Variants in ROBO2 observed in about 807,000 individuals in gnomAD.
ROBO2 encodes roundabout homolog 2.
ROBO2 carries 53 observed loss-of-function variants against 160.8 expected under a neutral mutation model. The ratio of observed to expected loss-of-function variants is 0.33; its 90% CI spans 0.26 to 0.41. ROBO2 has a LOEUF of 0.41. ROBO2 is among the 10% of genes least tolerant of loss of function. The probability of loss-of-function intolerance (pLI) is 1.00; values close to 1 mark genes in which losing one functional copy is unlikely to be tolerated. For missense variants in ROBO2, 1,577 were observed against 1,722.4 expected, an observed-to-expected ratio of 0.92 and a Z score of 1.49; for synonymous variants, 664 against 611.7, an observed-to-expected ratio of 1.09 and a Z score of -1.26.
chr3:77,503,137 A>T (rs1413389333), intron 5 of ROBO2, among the ~76,000 whole-genome samples: 1 of 152,066 alleles, frequency 6.6e-6, no homozygotes, highest in Non-Finnish European at 1.5e-5. Context: ...ATTCTCTACG[A>T]TGTGCTTATT....
intron 2 of ROBO2, among the ~76,000 whole-genome samples, chr3:76,821,523 T>C (rs1172941197): frequency 6.6e-6 from 1 of 152,054 alleles, no homozygotes; most frequent in Non-Finnish European, 1.5e-5. Flanking sequence ...CTGAATAGTT[T>C]TTTAACTAAA....
chr3:76,252,052 A>G (rs1706036999), intron 2 of ROBO2, among the ~76,000 whole-genome samples: 3 of 152,230 alleles, frequency 2.0e-5, no homozygotes, highest in South Asian at 2.1e-4. Context: ...AAATAAAGTG[A>G]TGAAATGTCA....
rs1371024333 is a variant in ROBO2, at chr3:77,622,461, T to A, written c.3760+29T>A. 2.5e-6 allele frequency: 4 copies of A among 1,597,954 alleles called. No individual in the cohort carries two copies. The East Asian group carries it at 8.9e-5, about 36-fold the overall frequency. ...ACGGAACCAATTTAATAGGAAAAAC[T>A]GACCTATTGGTAACATTAAAATGCA... On this transcript the variant is annotated intron_variant, in intron 23 of 25. Transcript: ENST00000461745.
intron 2 of ROBO2, among the ~76,000 whole-genome samples, chr3:76,088,972 G>A (rs549890474): frequency 2.6e-5 from 4 of 151,830 alleles, no homozygotes; most frequent in East Asian, 1.9e-4. Context: ...ATGAGAGAGA[G>A]CACACGAATT....
At chr3:76,440,739 G>C (rs1287615224) in intron 2 of ROBO2, among the ~76,000 whole-genome samples, 2 of 152,042 alleles carry the variant, frequency 1.3e-5, no homozygotes, top group Non-Finnish European at 2.9e-5. Context: ...GCCCTAACAA[G>C]GGCCAAGTGT....
intron 2 of ROBO2, among the ~76,000 whole-genome samples, chr3:76,313,473 T>G (rs1168182925): frequency 1.3e-5 from 2 of 152,244 alleles, no homozygotes; most frequent in Non-Finnish European, 2.9e-5. Context: ...GATCTTCATT[T>G]ATTATTTTGA....
intron 2 of ROBO2, among the ~76,000 whole-genome samples, chr3:76,650,695 G>A (rs999393696): frequency 1.3e-5 from 2 of 152,062 alleles, no homozygotes; most frequent in African/African-American, 4.8e-5. Flanking sequence ...TAAGCATGGG[G>A]CTGAGTGTGG....
chr3:77,108,251 C>CATATATATATGTATACACATATGCAT (rs779006162), intron 2 of ROBO2, among the ~76,000 whole-genome samples: 4 of 121,438 alleles, frequency 3.3e-5, no homozygotes, highest in African/African-American at 1.3e-4. Context: ...TACACATATG[C>CATATATATATGTATACACATATGCAT]ATATATATGT....
rs113242025 is a variant in ROBO2, at chr3:76,233,211, C to A, written c.109+295609C>A. Among the ~76,000 whole-genome samples the A allele has an allele frequency of 1.2e-3, 185 of 152,088 alleles. 1 individual carries two copies. Among genetic ancestry groups the A allele is most frequent in the African/African-American group, 3.2e-3 (131 of 41,454 alleles). ...CCCGGATAGAATGCAGTGGCTTGAT[C>A]TCAACTCACTGCAAATTATGCCTCC... On this transcript the variant is annotated intron_variant, in intron 2 of 26. Coordinates refer to the ROBO2 transcript ENST00000487694.
chr3:77,522,771 A>G lies in ROBO2; in HGVS notation c.807-4A>G, dbSNP rs750695643. The G allele has an allele frequency of 6.2e-6, 10 of 1,608,028 alleles. No individual in the cohort carries two copies. Among genetic ancestry groups the G allele is most frequent in the Non-Finnish European group, 7.7e-6 (9 of 1,175,652 alleles). On this transcript the variant is annotated splice_region_variant and splice_polypyrimidine_tract_variant and intron_variant, in intron 5 of 25. Coordinates refer to ENST00000461745, the Ensembl canonical transcript of ROBO2. Reference sequence around the variant, plus strand: ...TTAATAAAACCAGTTCATTTTCTACACAGGTATGACATCAAAGACGATTAC... The same window carrying G: ...TTAATAAAACCAGTTCATTTTCTACGCAGGTATGACATCAAAGACGATTAC...
intron 2 of ROBO2, among the ~76,000 whole-genome samples, chr3:76,206,469 C>T (rs954320116): frequency 2.0e-5 from 3 of 152,072 alleles, no homozygotes; most frequent in Non-Finnish European, 4.4e-5. Context: ...CAATAAATTT[C>T]CCTTATCAAG....
At chr3:77,598,409 G>T (rs1252937435) in intron 19 of ROBO2, among the ~76,000 whole-genome samples, 1 of 148,242 alleles carries the variant, frequency 6.7e-6, no homozygotes, top group Non-Finnish European at 1.5e-5. Context: ...TACTTCATAG[G>T]TGTGTAATGA....
At position 77,378,178 on chromosome 3, in the gene ROBO2, A is replaced by AT. The variant is rs147619373; in HGVS notation, c.389-99231dup. Among the ~76,000 whole-genome samples, 11 of 152,302 alleles carry AT rather than the reference A, an allele frequency of 7.2e-5. No individual in the cohort carries two copies. In the East Asian group the frequency reaches 2.1e-3, roughly 29 times the overall value. On this transcript the variant is annotated intron_variant, in intron 2 of 25. Coordinates refer to ENST00000461745, the Ensembl canonical transcript of ROBO2. ...TATTTGAAGTTAGAATGAAAGTAAC[A>AT]TTTTTGAAAATTACCATTGTCTTAT... is the stretch of plus-strand genomic sequence containing the variant.
exon 1 of ROBO2, chr3:77,040,524 T>C: frequency 7.3e-7 from 1 of 1,361,746 alleles, no homozygotes; most frequent in Middle Eastern, 2.9e-4. Context: ...TGGGCTGAAT[T>C]TGTGGGAATT....
At chr3:77,321,874 G>C (rs1161005928) in intron 2 of ROBO2, among the ~76,000 whole-genome samples, 2 of 152,126 alleles carry the variant, frequency 1.3e-5, no homozygotes, top group Non-Finnish European at 2.9e-5. Context: ...CTTTGTTTGA[G>C]ACGGATGAAA....
chr3:77,293,547 C>G (rs2061590868), intron 2 of ROBO2, among the ~76,000 whole-genome samples: 1 of 143,566 alleles, frequency 7.0e-6, no homozygotes, highest in Non-Finnish European at 1.5e-5. Flanking sequence ...GGCTAGAGCA[C>G]TAAAGACATA....
intron 2 of ROBO2, among the ~76,000 whole-genome samples, chr3:76,256,350 T>TACACA (rs1559690071): frequency 1.7e-5 from 1 of 60,206 alleles, no homozygotes; most frequent in African/African-American, 5.0e-5. Flanking sequence ...TCTCTCTCTC[T>TACACA]CTCACATACA....
chr3:76,502,374 C>T (rs2080508345), intron 2 of ROBO2, among the ~76,000 whole-genome samples: 1 of 152,138 alleles, frequency 6.6e-6, no homozygotes, highest in African/African-American at 2.4e-5. Context: ...GTGCTGAATG[C>T]TCCATTTCTT....
At chr3:77,407,780 G>A (rs552591917) in intron 2 of ROBO2, among the ~76,000 whole-genome samples, 3 of 152,274 alleles carry the variant, frequency 2.0e-5, no homozygotes, top group African/African-American at 7.2e-5. Context: ...TTTTAAAGTT[G>A]CCTTATTCAT....
Sources: gnomAD v4.1 joint callset for allele counts (sites outside exome capture counted in the v4.1 genomes callset) on GRCh38, gnomAD v4.1.1 for gene constraint, MANE v1.5 for transcripts, NCBI Gene and HGNC (gene_info 2026-07-23, HGNC 2026-07-21) for gene names.